Variants in FHAD1 observed in about 807,000 individuals in gnomAD.
FHAD1 encodes forkhead-associated domain-containing protein 1.
FHAD1 carries 146 observed loss-of-function variants against 191.3 expected under a neutral mutation model. The ratio of observed to expected loss-of-function variants is 0.76; its 90% CI spans 0.67 to 0.88. The LOEUF is 0.88. Ranked by LOEUF, FHAD1 falls within the 40% of genes least tolerant of loss-of-function variation. The probability of loss-of-function intolerance (pLI) is 0.00; values close to 1 mark genes in which losing one functional copy is unlikely to be tolerated. For missense variants in FHAD1, 1,635 were observed against 1,785.8 expected, an observed-to-expected ratio of 0.92 and a Z score of 1.52; for synonymous variants, 616 against 672.3, an observed-to-expected ratio of 0.92 and a Z score of 1.29.
intron 32 of FHAD1, among the ~76,000 whole-genome samples, chr1:15,390,344 C>CAAAAAAAAAA (rs59353142): frequency 1.4e-5 from 1 of 69,232 alleles, no homozygotes; most frequent in Non-Finnish European, 2.8e-5. Context: ...GACTCTGTCT[C>CAAAAAAAAAA]AAAAAAAAAA....
chr1:15,282,623 T>C (rs1661010703), intron 3 of FHAD1, among the ~76,000 whole-genome samples: 1 of 152,246 alleles, frequency 6.6e-6, no homozygotes, highest in Non-Finnish European at 1.5e-5. Context: ...TCATAGTTTA[T>C]GAATACCAGA....
chr1:15,242,897 A>C (rs370771544), upstream of FHAD1, among the ~76,000 whole-genome samples: 37 of 152,334 alleles, frequency 2.4e-4, no homozygotes, highest in Non-Finnish European at 3.8e-4. Context: ...ATACGTCTTA[A>C]CCCATTTAAT....
chr1:15,277,547 C>G (rs1290609767), intron 3 of FHAD1, among the ~76,000 whole-genome samples: 1 of 152,140 alleles, frequency 6.6e-6, no homozygotes, highest in Non-Finnish European at 1.5e-5. Flanking sequence ...TGGCCAGAAC[C>G]AGGATTAAGT....
intron 33 of FHAD1, chr1:15,393,120 G>A (rs915721537): frequency 6.8e-6 from 1 of 147,600 alleles, no homozygotes; most frequent in Non-Finnish European, 1.5e-5. Context: ...TATTGCCCAG[G>A]CTAGAGTGCA....
chr1:15,247,399 A>G lies in FHAD1; in HGVS notation c.-15+4A>G. 1 of 200,502 alleles carries G rather than the reference A, an allele frequency of 5.0e-6. No individual in the cohort carries two copies. The highest frequency in any genetic ancestry group is 4.6e-5 in the South Asian group (1 of 21,512). 12.4% of individuals were successfully genotyped at this position (200,502 alleles called of 1,614,324 possible). A position where few individuals can be genotyped will look rare whatever the true frequency, so the allele number is the denominator to read the frequency against. On this transcript the variant is annotated splice_donor_region_variant and intron_variant, in intron 1 of 33. Transcript: ENST00000688493. ...GTGGGCTTCCTCCTCCCGCCAGGTG[A>G]GTGCGGCGCGGGAAGGGGTGGCGGG...
At chr1:15,279,778 C>T (rs1659889228) in intron 3 of FHAD1, among the ~76,000 whole-genome samples, 1 of 151,974 alleles carries the variant, frequency 6.6e-6, no homozygotes, top group African/African-American at 2.4e-5. Context: ...TCTGACTGGC[C>T]AGGCCTGGGG....
rs147692415 is a variant in FHAD1, at chr1:15,265,295, G to T, written c.94-7028G>T. 5.1e-4 allele frequency among the ~76,000 whole-genome samples: 78 copies of T among 152,276 alleles called. 1 individual carries two copies. The East Asian group carries it at 0.011, about 22-fold the overall frequency. ...AATGAACACAAAGTGCTTTGGTAAG[G>T]CCCAGTTCACAGGAACTTCTCAAAA... On this transcript the variant is annotated intron_variant, in intron 2 of 33. Transcript: ENST00000688493.
chr1:15,389,447 CAAAAA>C (rs570569622), intron 32 of FHAD1, among the ~76,000 whole-genome samples: 3 of 54,220 alleles, frequency 5.5e-5, no homozygotes, highest in East Asian at 5.4e-4. Context: ...GAACCTGTCT[CAAAAA>C]AAAAAAAAAA....
At chr1:15,386,080 C>A (rs1251526600) in intron 31 of FHAD1, among the ~76,000 whole-genome samples, 1 of 152,220 alleles carries the variant, frequency 6.6e-6, no homozygotes, top group East Asian at 1.9e-4. Flanking sequence ...TCAAGCCCAC[C>A]TCTGTCCCTG....
At chr1:15,242,123 C>T (rs936276240) in intron 1 of FHAD1, among the ~76,000 whole-genome samples, 1 of 151,192 alleles carries the variant, frequency 6.6e-6, no homozygotes, top group Non-Finnish European at 1.5e-5. Flanking sequence ...GTCCCAGCTA[C>T]TCAGGCGGCT....
At chr1:15,379,537 A>T (rs769935161) in intron 28 of FHAD1, among the ~76,000 whole-genome samples, 3 of 152,112 alleles carry the variant, frequency 2.0e-5, no homozygotes, top group African/African-American at 4.8e-5. Flanking sequence ...CCTTCCTCTT[A>T]TACTAATCCT....
At position 15,275,151 on chromosome 1, in the gene FHAD1, A is replaced by G. The variant is rs557269128; in HGVS notation, c.300+2622A>G. Among the ~76,000 whole-genome samples the G allele has an allele frequency of 7.2e-5, 11 of 152,044 alleles. No homozygotes were observed. In the East Asian group the frequency reaches 1.9e-3, roughly 27 times the overall value. ...CTAATTTTTTGTATTTTTAGTAGAG[A>G]TGGGGTTTCACCGTGTTAGCCAGGA... On this transcript the variant is annotated intron_variant, in intron 3 of 33. Transcript: ENST00000688493.
intron 3 of FHAD1, chr1:15,286,949 G>C (rs1355258907): frequency 1.3e-5 from 2 of 152,228 alleles, no homozygotes; most frequent in Non-Finnish European, 2.9e-5. Flanking sequence ...TTGTGTTCCA[G>C]AAGGCTGGAG....
chr1:15,243,047 C>T (rs1019843263), upstream of FHAD1, among the ~76,000 whole-genome samples: 5 of 152,086 alleles, frequency 3.3e-5, no homozygotes, highest in Non-Finnish European at 1.5e-5. Flanking sequence ...ACAGACAGAC[C>T]CCCCCACAGC....
Position 15,329,482 on chromosome 1 carries a change from T to G in FHAD1, c.1847T>G (p.Leu616Arg). The stretch of plus-strand genomic sequence containing the variant: ...GTCCTGAGGCACGCGCTGTCCTGGC[T>G]GGAGGAGGTGGAGCAGCTCCTCCGG... ...LDVLRHALSW[L>R]EEVEQLLRDL... The change falls in exon 14 of 34, where the codon CTG becomes CGG. Residue 616 changes from leucine to arginine, a missense_variant. Physicochemically the swap from Leu to Arg is moderately radical, Grantham distance 102. Transcript: ENST00000688493. The surrounding 1 kb of genome is among the most constrained non-coding windows in gnomAD (Gnocchi z 5.0). The G allele has an allele frequency of 6.4e-7, 1 of 1,551,164 alleles. No homozygotes were observed. Among genetic ancestry groups the G allele is most frequent in the South Asian group, 1.2e-5 (1 of 84,064 alleles).
intron 26 of FHAD1, among the ~76,000 whole-genome samples, chr1:15,369,796 G>A (rs1286757298): frequency 3.3e-5 from 5 of 152,122 alleles, no homozygotes; most frequent in African/African-American, 1.2e-4. Flanking sequence ...CGTTCCACCT[G>A]TGTTCGAATC....
rs770501771 is a variant in FHAD1 at position 15,313,185 on chromosome 1, AGAGT to A, written c.1170+3_1170+6del. The A allele has an allele frequency of 2.6e-6, 4 of 1,551,828 alleles. No homozygotes were observed. Among genetic ancestry groups the A allele is most frequent in the Admixed American group, 2.0e-5 (1 of 50,994 alleles). On this transcript the variant is annotated splice_donor_variant and coding_sequence_variant, in exon 8 of 34. Coordinates refer to ENST00000688493, the MANE Select transcript of FHAD1 (RefSeq NM_001391957.1). LOFTEE classifies it high-confidence loss of function. Reference sequence around the variant, plus strand: ...CCACCAGCTGGAAGCCCTTGGCTCTAGAGTGAGTAAGGATGACTGCGTCACCTTG... The same window carrying A: ...CCACCAGCTGGAAGCCCTTGGCTCTAGAGTAAGGATGACTGCGTCACCTTG...
rs148241519 is a variant in FHAD1, at chr1:15,248,987, G to A, written c.-15+1592G>A. Among the ~76,000 whole-genome samples, 10 of 152,196 alleles carry A rather than the reference G, an allele frequency of 6.6e-5. No homozygotes were observed. In the East Asian group the frequency reaches 1.9e-3, roughly 29 times the overall value. On this transcript the variant is annotated intron_variant, in intron 1 of 33. Coordinates refer to ENST00000688493, the MANE Select transcript of FHAD1 (RefSeq NM_001391957.1). Reference sequence around the variant, plus strand: ...GCCCTACAGATGTCCTTGGAAGATTGTCTGGAACAAAATCTGTCAGTGTCT... The same window carrying A: ...GCCCTACAGATGTCCTTGGAAGATTATCTGGAACAAAATCTGTCAGTGTCT...
At chr1:15,353,906 C>T (rs16851614) in intron 20 of FHAD1, among the ~76,000 whole-genome samples, 3,194 of 152,138 alleles carry the variant, frequency 0.021, 119 homozygotes, top group African/African-American at 0.072. Context: ...GGATTTCGCA[C>T]CTGACCCTGT....
Sources: allele counts gnomAD v4.1 joint callset (sites outside exome capture counted in the v4.1 genomes callset), GRCh38; gene constraint gnomAD v4.1.1; non-coding constraint Gnocchi (gnomAD v3.1); transcripts MANE v1.5; gene names NCBI Gene and HGNC (gene_info 2026-07-23, HGNC 2026-07-21).